MTHFD1L: variants seen among roughly 807,000 people sequenced by gnomAD.
MTHFD1L encodes monofunctional C1-tetrahydrofolate synthase, mitochondrial.
In MTHFD1L, 81 loss-of-function variants were observed where a neutral mutation model predicts 119.5. That is an observed-to-expected ratio of 0.68 (90% CI 0.57 to 0.82). The LOEUF is 0.82. MTHFD1L is among the 40% of genes least tolerant of loss of function. The pLI is 0.00. For missense variants in MTHFD1L, 1,125 were observed against 1,253.4 expected, an observed-to-expected ratio of 0.90 and a Z score of 1.55; for synonymous variants, 430 against 475.2, an observed-to-expected ratio of 0.90 and a Z score of 1.24.
At chr6:150,991,524 CA>C (rs1192953333) in intron 20 of MTHFD1L, among the ~76,000 whole-genome samples, 1 of 152,130 alleles carries the variant, frequency 6.6e-6, no homozygotes, top group Non-Finnish European at 1.5e-5. Context: ...TTGGCATTCT[CA>C]AATTTTTACA....
At chr6:150,875,507 G>A (rs925967205) in intron 1 of MTHFD1L, among the ~76,000 whole-genome samples, 7 of 152,036 alleles carry the variant, frequency 4.6e-5, no homozygotes, top group African/African-American at 1.7e-4. Context: ...TCTCTAGGAG[G>A]CTTTGATAGT....
At chr6:150,915,244 A>T (rs1208315114) in intron 8 of MTHFD1L, among the ~76,000 whole-genome samples, 1 of 151,754 alleles carries the variant, frequency 6.6e-6, no homozygotes, top group Non-Finnish European at 1.5e-5. Context: ...AAAACACGAA[A>T]TTTTTTTTGC....
Position 151,015,370 on chromosome 6 carries a change from G to T in MTHFD1L, c.2409-146G>T, listed in dbSNP as rs557037056. ...CTTTTTTTTTCCATGCTTTAAGTCT[G>T]ATTTATTTAAACACGATGTGACCAC... On this transcript the variant is annotated intron_variant, in intron 23 of 27. Coordinates refer to ENST00000367321, the MANE Select transcript of MTHFD1L (RefSeq NM_015440.5). 6.7e-6 allele frequency: 6 copies of T among 900,034 alleles called. No individual in the cohort carries two copies. In the African/African-American group the frequency reaches 8.4e-5, roughly 13 times the overall value. 55.8% of individuals were successfully genotyped at this position (900,034 alleles called of 1,614,324 possible). A position where few individuals can be genotyped will look rare whatever the true frequency, so the allele number is the denominator to read the frequency against.
chr6:150,902,961 C>T (rs1295675257), intron 7 of MTHFD1L, among the ~76,000 whole-genome samples: 1 of 152,240 alleles, frequency 6.6e-6, no homozygotes, highest in South Asian at 2.1e-4. Flanking sequence ...TTCTTATCTG[C>T]AGAACTGCGA....
chr6:150,949,246 C>A (rs1386883723), intron 16 of MTHFD1L, 113 bp downstream of exon 16: 3 of 766,602 alleles, frequency 3.9e-6, no homozygotes, highest in Non-Finnish European at 4.4e-6. Flanking sequence ...ATCTTCCCAG[C>A]CTGTGCTTCA....
chr6:151,012,970 A>T (rs532883218), intron 21 of MTHFD1L, among the ~76,000 whole-genome samples: 30 of 152,194 alleles, frequency 2.0e-4, no homozygotes, highest in Non-Finnish European at 3.1e-4. Flanking sequence ...CAACTTGCCT[A>T]CTCAGAGGCT....
At chr6:151,030,053 C>T (rs1417767962) in intron 24 of MTHFD1L, among the ~76,000 whole-genome samples, 1 of 152,190 alleles carries the variant, frequency 6.6e-6, no homozygotes, top group Non-Finnish European at 1.5e-5. Context: ...ACCGTTCTCA[C>T]TCCATAATAA....
At chr6:151,098,310 C>T (rs1795062780) in intron 27 of MTHFD1L, among the ~76,000 whole-genome samples, 1 of 152,308 alleles carries the variant, frequency 6.6e-6, no homozygotes, top group South Asian at 2.1e-4. Flanking sequence ...AGTCCCAAGT[C>T]ACAAACCACA....
chr6:151,058,816 G>A (rs1052530776), intron 26 of MTHFD1L, among the ~76,000 whole-genome samples: 9 of 152,214 alleles, frequency 5.9e-5, no homozygotes, highest in African/African-American at 2.2e-4. Flanking sequence ...CAGTATTACA[G>A]GCATGTGCCG....
intron 17 of MTHFD1L, among the ~76,000 whole-genome samples, chr6:150,958,486 G>C (rs1795962027): frequency 6.6e-6 from 1 of 152,056 alleles, no homozygotes; most frequent in South Asian, 2.1e-4. Flanking sequence ...TTCCAATGTT[G>C]ACATATGTTT....
chr6:150,870,011 C>T (rs1332921897), intron 1 of MTHFD1L, among the ~76,000 whole-genome samples: 2 of 152,166 alleles, frequency 1.3e-5, no homozygotes, highest in African/African-American at 4.8e-5. Flanking sequence ...CTCAAATGAT[C>T]CACCCGCCTT....
intron 7 of MTHFD1L, among the ~76,000 whole-genome samples, chr6:150,895,204 G>A (rs1189683142): frequency 6.6e-6 from 1 of 152,186 alleles, no homozygotes; most frequent in Non-Finnish European, 1.5e-5. Context: ...CCTAGATTTG[G>A]AGGTAACCTC....
At chr6:150,994,176 A>G (rs1779519635) in intron 20 of MTHFD1L, among the ~76,000 whole-genome samples, 1 of 152,000 alleles carries the variant, frequency 6.6e-6, no homozygotes, top group South Asian at 2.1e-4. Context: ...CTGGTTTAGC[A>G]ACTCCTTGAT....
At chr6:150,906,576 T>C (rs1785949908) in intron 8 of MTHFD1L, among the ~76,000 whole-genome samples, 1 of 152,228 alleles carries the variant, frequency 6.6e-6, no homozygotes, top group Non-Finnish European at 1.5e-5. Flanking sequence ...CTCTTCCTGA[T>C]TCCTTCTGGC....
At chr6:150,930,710 A>G (rs1411222002) in intron 11 of MTHFD1L, among the ~76,000 whole-genome samples, 5 of 152,016 alleles carry the variant, frequency 3.3e-5, no homozygotes, top group Admixed American at 6.6e-5. Context: ...AAATAACAAT[A>G]TATTTGTTAT....
rs187182582 is a variant in MTHFD1L, at chr6:151,100,126, C to T, written c.*32-1400C>T. On this transcript the variant is annotated intron_variant, in intron 27 of 27. Transcript: ENST00000367321. ...TCGGCTCACTGCAAGCTCCGCCTCC[C>T]GGGTTCACGCCATTCTCCTGCCTCA... 7.1e-4 allele frequency among the ~76,000 whole-genome samples: 108 copies of T among 151,552 alleles called. 2 individuals are homozygous for T. The highest frequency in any genetic ancestry group is 3.4e-3 in the Middle Eastern group (1 of 294).
intron 4 of MTHFD1L, among the ~76,000 whole-genome samples, chr6:150,881,278 A>C (rs1229013134): frequency 6.6e-6 from 1 of 152,154 alleles, no homozygotes; most frequent in Non-Finnish European, 1.5e-5. Flanking sequence ...GTGAGCGATG[A>C]GGGCCTACTT....
chr6:150,874,635 C>G (rs748899616), intron 1 of MTHFD1L, among the ~76,000 whole-genome samples: 1 of 152,174 alleles, frequency 6.6e-6, no homozygotes, highest in Non-Finnish European at 1.5e-5. Flanking sequence ...CGCCTTTGGT[C>G]TATTGTGAGA....
Position 150,865,727 on chromosome 6 carries a change from G to GCCGCCA in MTHFD1L, c.-91_-90insACCGCC. On this transcript the variant is annotated 5_prime_UTR_variant, in exon 1 of 28. Coordinates refer to ENST00000367321, the MANE Select transcript of MTHFD1L (RefSeq NM_015440.5). The stretch of plus-strand genomic sequence containing the variant: ...GAGGAAGCGCCAGGTCCTTCCCGCC[G>GCCGCCA]CCGCCGCCGCCGCCGCCGCCTGCTC... The GCCGCCA allele has an allele frequency of 9.5e-7, 1 of 1,055,996 alleles. No homozygotes were observed. The highest frequency in any genetic ancestry group is 1.2e-6 in the Non-Finnish European group (1 of 857,608). 65.4% of individuals were successfully genotyped at this position (1,055,996 alleles called of 1,614,324 possible).
Sources: allele counts gnomAD v4.1 joint callset (sites outside exome capture counted in the v4.1 genomes callset), GRCh38; gene constraint gnomAD v4.1.1; transcripts MANE v1.5; gene names NCBI Gene and HGNC (gene_info 2026-07-23, HGNC 2026-07-21).